The following ERAP1 variants were observed in gnomAD, a reference collection of about 807,000 sequenced individuals.
ERAP1 encodes endoplasmic reticulum aminopeptidase 1.
In ERAP1, 86 loss-of-function variants were observed where a neutral mutation model predicts 103.7. The observed-to-expected ratio is 0.83, with a 90% CI of 0.70 to 0.99. The LOEUF (loss-of-function observed/expected upper bound fraction) is 0.99. Among genes scored for constraint, ERAP1 ranks in the 50% least tolerant of loss-of-function variants. The pLI is 0.00. For missense variants in ERAP1, 1,009 were observed against 1,128.4 expected, an observed-to-expected ratio of 0.89 and a Z score of 1.52; for synonymous variants, 398 against 402.4, an observed-to-expected ratio of 0.99 and a Z score of 0.13.
the ERAP1 span, among the ~76,000 whole-genome samples, chr5:96,908,256 C>A: frequency 6.6e-6 from 1 of 152,104 alleles, no homozygotes; most frequent in Admixed American, 6.5e-5. Context: ...ACATAGCCTC[C>A]CAGAAACACA....
the ERAP1 span, among the ~76,000 whole-genome samples, chr5:96,828,318 G>A: frequency 2.6e-5 from 4 of 151,964 alleles, no homozygotes; most frequent in African/African-American, 4.8e-5. Context: ...AACTACCAAC[G>A]TAAATGAATT....
chr5:96,771,203 C>T (rs1200446285), downstream of ERAP1, among the ~76,000 whole-genome samples: 1 of 152,110 alleles, frequency 6.6e-6, no homozygotes, highest in Non-Finnish European at 1.5e-5. Context: ...AGTTTAAATA[C>T]TTATTTGCCT....
At chr5:96,778,629 C>T (rs1214838917) in intron 18 of ERAP1, among the ~76,000 whole-genome samples, 1 of 152,180 alleles carries the variant, frequency 6.6e-6, no homozygotes, top group African/African-American at 2.4e-5. Flanking sequence ...TTGGAATTTA[C>T]TGCAAGAACA....
the ERAP1 span, among the ~76,000 whole-genome samples, chr5:96,933,059 A>G: frequency 2.6e-5 from 4 of 152,178 alleles, no homozygotes; most frequent in African/African-American, 9.7e-5. Context: ...TGAAATTGTG[A>G]TATCATATTC....
At chr5:96,872,328 C>G in the ERAP1 span, among the ~76,000 whole-genome samples, 3 of 116,892 alleles carry the variant, frequency 2.6e-5, no homozygotes, top group African/African-American at 9.8e-5. Context: ...CGAATGAGAC[C>G]CTGTCTCAAA....
Position 96,785,804 on chromosome 5 carries a change from CATTGTTAATGAGACTCG to C in ERAP1, c.1910_1926del (p.Ala637GlyfsTer13). Reference sequence around the variant, plus strand: ...GTGTATTACCTGACGAGCTGAAATGCATTGTTAATGAGACTCGCCCGATCATTACTGCTGACTGCTGT... The same window carrying C: ...GTGTATTACCTGACGAGCTGAAATGCCCCGATCATTACTGCTGACTGCTGT... On this transcript the variant is annotated frameshift_variant, in exon 13 of 19. Transcript: ENST00000443439. LOFTEE classifies it high-confidence loss of function. 2 of 1,614,152 alleles carry C rather than the reference CATTGTTAATGAGACTCG, an allele frequency of 1.2e-6. No individual in the cohort carries two copies. Among genetic ancestry groups the C allele is most frequent in the Non-Finnish European group, 1.7e-6 (2 of 1,180,016 alleles).
chr5:96,931,976 CA>C, the ERAP1 span, among the ~76,000 whole-genome samples: 1 of 152,190 alleles, frequency 6.6e-6, no homozygotes, highest in Non-Finnish European at 1.5e-5. Flanking sequence ...TTTTGTAGCC[CA>C]AGGAATCTGA....
chr5:96,891,595 G>A, the ERAP1 span, among the ~76,000 whole-genome samples: 6 of 145,212 alleles, frequency 4.1e-5, no homozygotes, highest in South Asian at 4.4e-4. Context: ...ACACACACAC[G>A]TAATGCAAAT....
chr5:96,902,453 G>T, the ERAP1 span: 1 of 686,792 alleles, frequency 1.5e-6, no homozygotes, highest in Non-Finnish European at 2.5e-6. Flanking sequence ...AACAATAAAA[G>T]ATTTATATTT....
chr5:96,900,970 T>C, the ERAP1 span, among the ~76,000 whole-genome samples: 11 of 152,240 alleles, frequency 7.2e-5, no homozygotes, highest in Admixed American at 6.5e-4. Flanking sequence ...TGGCCCTAAA[T>C]TGTGTTTTCT....
At chr5:96,880,158 C>G in the ERAP1 span, 10 of 1,614,054 alleles carry the variant, frequency 6.2e-6, no homozygotes, top group Non-Finnish European at 8.5e-6. Flanking sequence ...AAACTTACGC[C>G]TCACCTGAAA....
chr5:96,887,073 G>GTATATATA, the ERAP1 span, among the ~76,000 whole-genome samples: 1,959 of 86,746 alleles, frequency 0.023, 29 homozygotes, highest in Non-Finnish European at 0.034. Flanking sequence ...AATTTTCAAA[G>GTATATATA]TATATATATA....
chr5:96,924,189 T>C, the ERAP1 span, among the ~76,000 whole-genome samples: 3 of 152,246 alleles, frequency 2.0e-5, no homozygotes, highest in Non-Finnish European at 4.4e-5. Context: ...GTGCTTGTCC[T>C]GATTGGCCCA....
the ERAP1 span, among the ~76,000 whole-genome samples, chr5:96,833,803 A>G: frequency 5.3e-5 from 8 of 151,974 alleles, no homozygotes; most frequent in South Asian, 2.1e-4. Context: ...AAAAAAAAAA[A>G]AAAGAAAAGA....
At chr5:96,876,280 C>G in the ERAP1 span, 1 of 152,352 alleles carries the variant, frequency 6.6e-6, no homozygotes, top group Non-Finnish European at 1.5e-5. Context: ...GAAGTGGCAG[C>G]CACTGGCGAT....
At chr5:96,801,080 A>G (rs1777938256) in intron 2 of ERAP1, 80 bp from the exon 3 acceptor site, 4 of 1,469,392 alleles carry the variant, frequency 2.7e-6, no homozygotes, top group Admixed American at 1.7e-5. Flanking sequence ...TTTAATTCCT[A>G]AAGTTACTAT....
At chr5:96,786,822 C>T (rs1776071792) in intron 11 of ERAP1, 2 of 399,050 alleles carry the variant, frequency 5.0e-6, no homozygotes, top group Non-Finnish European at 9.4e-6. Context: ...TGGCTGATTG[C>T]ATCTCAGAGG....
At chr5:96,889,857 C>T in the ERAP1 span, among the ~76,000 whole-genome samples, 1 of 151,422 alleles carries the variant, frequency 6.6e-6, no homozygotes, top group South Asian at 2.1e-4. Flanking sequence ...CACACACACA[C>T]ACACACGCAT....
the ERAP1 span, among the ~76,000 whole-genome samples, chr5:96,838,426 C>G: frequency 6.6e-6 from 1 of 152,086 alleles, no homozygotes; most frequent in South Asian, 2.1e-4. Context: ...TCTTTCCCCC[C>G]AGTTTTTGAT....
Sources: gnomAD v4.1 joint callset for allele counts (sites outside exome capture counted in the v4.1 genomes callset) on GRCh38, gnomAD v4.1.1 for gene constraint, MANE v1.5 for transcripts, NCBI Gene and HGNC (gene_info 2026-07-23, HGNC 2026-07-21) for gene names.